FBLL1: variants seen among roughly 807,000 people sequenced by gnomAD.
FBLL1 encodes RNA 2'-O-methyltransferase FBLL1.
A neutral mutation model predicts 5.7 loss-of-function variants in FBLL1; 6 were observed. That is an observed-to-expected ratio of 1.05 (90% CI 0.57 to 2.07). The LOEUF is 2.07. Among genes scored for constraint, FBLL1 ranks in the 30% most tolerant of loss-of-function variants. The pLI is 0.00. For synonymous variants in FBLL1, 133 were observed against 75.1 expected, an observed-to-expected ratio of 1.77 and a Z score of -3.99; for missense variants, 258 against 165.2, an observed-to-expected ratio of 1.56 and a Z score of -3.08.
At position 168,529,620 on chromosome 5, in the gene FBLL1, G is replaced by A. The variant is rs906022086; in HGVS notation, c.116G>A (p.Gly39Asp). The A allele has an allele frequency of 2.5e-4, 36 of 146,156 alleles. No individual in the cohort carries two copies. Among genetic ancestry groups the A allele is most frequent in the Non-Finnish European group, 3.8e-4 (25 of 65,554 alleles). The allele number at this position is 146,156 out of a possible 1,614,324, so 9.1% of individuals were successfully genotyped here. The change falls in exon 1 of 1, where the codon GGC (glycine) becomes GAC (aspartate). Residue 39 changes from glycine to aspartate, a missense_variant. Physicochemically the swap from Gly to Asp is moderately conservative, Grantham distance 94. Transcript: ENST00000338333. This position sits in a 1 kb window ranked among gnomAD's most constrained non-coding sequence, Gnocchi z 7.2. ...GGGGAGKGGGGDGGGQGGKGG... is the reference protein window; with the variant it reads ...GGGGAGKGGGDDGGGQGGKGG... ...GGCGGCGCGGGCAAGGGCGGCGGGG[G>A]CGACGGCGGCGGCCAGGGGGGCAAG...
chr5:168,529,855 G>C lies in FBLL1; in HGVS notation c.351G>C (p.Ala117=). Residue 117 remains alanine, a synonymous_variant, in exon 1 of 1, where the codon GCG becomes GCC. Coordinates refer to ENST00000338333, the MANE Select transcript of FBLL1 (RefSeq NM_001355274.2). The surrounding 1 kb of genome is among the most constrained non-coding windows in gnomAD (Gnocchi z 7.2). ...TCATCTACCGCGGGGCGGAGGACGCGCTGGTCACGCTGAACATGGTGCCGG... is the reference window on the plus strand; with the variant it reads ...TCATCTACCGCGGGGCGGAGGACGCCCTGGTCACGCTGAACATGGTGCCGG... ...GVFIYRGAED[A]LVTLNMVPGQ... 1.4e-6 allele frequency: 1 copy of C among 707,240 alleles called. No individual in the cohort carries two copies. The highest frequency in any genetic ancestry group is 2.6e-6 in the Non-Finnish European group (1 of 388,096). 43.8% of individuals were successfully genotyped at this position (707,240 alleles called of 1,614,324 possible). A position where few individuals can be genotyped will look rare whatever the true frequency, so the allele number is the denominator to read the frequency against.
rs1758946410 is a variant in FBLL1 at position 168,529,826 on chromosome 5, GTCT to G, written c.325_327del (p.Phe109del). On this transcript the variant is annotated inframe_deletion, in exon 1 of 1. Coordinates refer to ENST00000338333, the MANE Select transcript of FBLL1 (RefSeq NM_001355274.2). The surrounding 1 kb of genome is among the most constrained non-coding windows in gnomAD (Gnocchi z 7.2). Reference sequence around the variant, plus strand: ...GGTGGAGCCGCACCGGCACGAGGGCGTCTTCATCTACCGCGGGGCGGAGGACGC... The same window carrying G: ...GGTGGAGCCGCACCGGCACGAGGGCGTCATCTACCGCGGGGCGGAGGACGC... 1 of 702,474 alleles carries G rather than the reference GTCT, an allele frequency of 1.4e-6. No homozygotes were observed. Among genetic ancestry groups the G allele is most frequent in the African/African-American group, 1.7e-5 (1 of 57,296 alleles). The allele number at this position is 702,474 out of a possible 1,614,324, so 43.5% of individuals were successfully genotyped here. A position where few individuals can be genotyped will look rare whatever the true frequency, so the allele number is the denominator to read the frequency against.
In FBLL1 at chr5:168,530,048, T is replaced by G. The variant is rs750058726; in HGVS notation, c.544T>G (p.Ser182Ala). 5.2e-5 allele frequency: 39 copies of G among 756,872 alleles called. No homozygotes were observed. Among genetic ancestry groups the G allele is most frequent in the African/African-American group, 1.2e-4 (7 of 58,856 alleles). The allele number at this position is 756,872 out of a possible 1,614,324, so 46.9% of individuals were successfully genotyped here. A position where few individuals can be genotyped will look rare whatever the true frequency, so the allele number is the denominator to read the frequency against. ...CAAGGTGCTGTACCTGGGCGCCGCG[T>G]CGGGCACCACCGTCTCCCATGTCTC... ...KSKVLYLGAA[S>A]GTTVSHVSDI... Residue 182 changes from serine to alanine, a missense_variant, in exon 1 of 1, where the codon TCG becomes GCG. Coordinates refer to ENST00000338333, the MANE Select transcript of FBLL1 (RefSeq NM_001355274.2). The surrounding 1 kb of genome is among the most constrained non-coding windows in gnomAD (Gnocchi z 4.9).
In FBLL1 at chr5:168,530,362, C is replaced by T. The variant is rs570253763; in HGVS notation, c.858C>T (p.Ser286=). 1.3e-6 allele frequency: 1 copy of T among 765,450 alleles called. No homozygotes were observed. Among genetic ancestry groups the T allele is most frequent in the Non-Finnish European group, 2.4e-6 (1 of 417,908 alleles). 47.4% of individuals were successfully genotyped at this position (765,450 alleles called of 1,614,324 possible). The part of the protein sequence containing the change: ...IKANCIDSTA[S]AEAVFASEVR... ...CCAACTGCATCGACTCCACCGCATC[C>T]GCCGAGGCTGTGTTTGCTTCTGAGG... The change falls in exon 1 of 1, where the codon TCC becomes TCT. Residue 286 remains serine, a synonymous_variant. Coordinates refer to ENST00000338333, the MANE Select transcript of FBLL1 (RefSeq NM_001355274.2). This position sits in a 1 kb window ranked among gnomAD's most constrained non-coding sequence, Gnocchi z 4.9.
rs1243244773 is a variant in FBLL1 at position 168,530,128 on chromosome 5, C to T, written c.624C>T (p.Ala208=). The T allele has an allele frequency of 3.9e-6, 3 of 763,462 alleles. No individual in the cohort carries two copies. Among genetic ancestry groups the T allele is most frequent in the Non-Finnish European group, 4.8e-6 (2 of 417,172 alleles). The allele number at this position is 763,462 out of a possible 1,614,324, so 47.3% of individuals were successfully genotyped here. The part of the protein sequence containing the change: ...LVYAVEFSHR[A]GRDLVNVAKK... Reference sequence around the variant, plus strand: ...ACGCCGTCGAGTTCTCCCACCGCGCCGGCCGCGATCTGGTCAACGTGGCCA... The same window carrying T: ...ACGCCGTCGAGTTCTCCCACCGCGCTGGCCGCGATCTGGTCAACGTGGCCA... Residue 208 remains alanine (A), a synonymous_variant, in exon 1 of 1, where the codon GCC becomes GCT. Coordinates refer to ENST00000338333, the MANE Select transcript of FBLL1 (RefSeq NM_001355274.2). This position sits in a 1 kb window ranked among gnomAD's most constrained non-coding sequence, Gnocchi z 4.9.
At position 168,530,630 on chromosome 5, in the gene FBLL1, C is replaced by T. The variant is rs566927163; in HGVS notation, c.*121C>T. The stretch of plus-strand genomic sequence containing the variant: ...TTTTCTATTAAACTGCATAAAGAAA[C>T]GGCACCTATCTGTATGGTGATGCCA... On this transcript the variant is annotated 3_prime_UTR_variant, in exon 1 of 1. Transcript: ENST00000338333. The surrounding 1 kb of genome is among the most constrained non-coding windows in gnomAD (Gnocchi z 4.9). The T allele has an allele frequency of 8.2e-6, 5 of 607,072 alleles. No individual in the cohort carries two copies. The highest frequency in any genetic ancestry group is 3.7e-5 in the African/African-American group (2 of 54,122). The allele number at this position is 607,072 out of a possible 1,614,324, so 37.6% of individuals were successfully genotyped here.
chr5:168,530,109 T>C lies in FBLL1; in HGVS notation c.605T>C (p.Val202Ala), dbSNP rs762584946. 1.4e-5 allele frequency: 11 copies of C among 761,564 alleles called. No individual in the cohort carries two copies. Among genetic ancestry groups the C allele is most frequent in the Non-Finnish European group, 2.6e-5 (11 of 416,420 alleles). The allele number at this position is 761,564 out of a possible 1,614,324, so 47.2% of individuals were successfully genotyped here. ...IIGPDGLVYAVEFSHRAGRDL... is the reference protein window; with the variant it reads ...IIGPDGLVYAAEFSHRAGRDL... ...GGCCCAGACGGCCTGGTCTACGCCG[T>C]CGAGTTCTCCCACCGCGCCGGCCGC... Residue 202 changes from valine (V) to alanine (A), a missense_variant, in exon 1 of 1, where the codon GTC becomes GCC. By Grantham distance (64) the Val-to-Ala change is moderately conservative. Transcript: ENST00000338333. This position sits in a 1 kb window ranked among gnomAD's most constrained non-coding sequence, Gnocchi z 4.9.
rs1758956057 is a variant in FBLL1, at chr5:168,530,289, C to T, written c.785C>T (p.Ala262Val). ...CAGTCCCGCATCGTGGCCCTGAACG[C>T]CCACACCTTCCTGCGCAATGGGGGC... ...PDQSRIVALNAHTFLRNGGHF... is the reference protein window; with the variant it reads ...PDQSRIVALNVHTFLRNGGHF... Residue 262 changes from alanine to valine, a missense_variant, in exon 1 of 1, where the codon GCC becomes GTC. Ala to Val is a moderately conservative substitution (Grantham distance 64). Transcript: ENST00000338333. The surrounding 1 kb of genome is among the most constrained non-coding windows in gnomAD (Gnocchi z 4.9). 1 of 765,840 alleles carries T rather than the reference C, an allele frequency of 1.3e-6. No homozygotes were observed. Among genetic ancestry groups the T allele is most frequent in the African/African-American group, 1.7e-5 (1 of 59,152 alleles). The allele number at this position is 765,840 out of a possible 1,614,324, so 47.4% of individuals were successfully genotyped here.
Position 168,530,196 on chromosome 5 carries a change from A to G in FBLL1, c.692A>G (p.His231Arg). The G allele has an allele frequency of 1.3e-6, 1 of 765,510 alleles. No individual in the cohort carries two copies. Among genetic ancestry groups the G allele is most frequent in the East Asian group, 2.4e-5 (1 of 41,224 alleles). The allele number at this position is 765,510 out of a possible 1,614,324, so 47.4% of individuals were successfully genotyped here. A position where few individuals can be genotyped will look rare whatever the true frequency, so the allele number is the denominator to read the frequency against. The change falls in exon 1 of 1, where the codon CAC becomes CGC. Residue 231 changes from histidine (H) to arginine (R), a missense_variant. By Grantham distance (29) the His-to-Arg change is conservative. Transcript: ENST00000338333. The surrounding 1 kb of genome is among the most constrained non-coding windows in gnomAD (Gnocchi z 4.9). ...ATTCCGGTCCTGGAGGACGCGCGGC[A>G]CCCGCTCAAGTACCGCATGCTCATC... ...NIIPVLEDAR[H>R]PLKYRMLIGM...
rs1236271115 is a variant in FBLL1 at position 168,530,544 on chromosome 5, G to C, written c.*35G>C. The stretch of plus-strand genomic sequence containing the variant: ...CAGGCTCGCCTGCCATCTCCCCAAG[G>C]CTGCGTTGTGTTTGCTATTATTTTC... On this transcript the variant is annotated 3_prime_UTR_variant, in exon 1 of 1. Transcript: ENST00000338333. This position sits in a 1 kb window ranked among gnomAD's most constrained non-coding sequence, Gnocchi z 4.9. The C allele has an allele frequency of 1.4e-6, 1 of 716,076 alleles. No homozygotes were observed. Among genetic ancestry groups the C allele is most frequent in the South Asian group, 1.5e-5 (1 of 66,424 alleles). The allele number at this position is 716,076 out of a possible 1,614,324, so 44.4% of individuals were successfully genotyped here. A position where few individuals can be genotyped will look rare whatever the true frequency, so the allele number is the denominator to read the frequency against.
rs867181272 is a variant in FBLL1 at position 168,529,895 on chromosome 5, G to A, written c.391G>A (p.Gly131Ser). 2 of 721,630 alleles carry A rather than the reference G, an allele frequency of 2.8e-6. No homozygotes were observed. The highest frequency in any genetic ancestry group is 2.6e-5 in the East Asian group (1 of 38,962). The allele number at this position is 721,630 out of a possible 1,614,324, so 44.7% of individuals were successfully genotyped here. ...CATGGTGCCGGGCCAGTCTGTGTACGGCGAGAGGCGCGTCACGGTGACCGA... is the reference window on the plus strand; with the variant it reads ...CATGGTGCCGGGCCAGTCTGTGTACAGCGAGAGGCGCGTCACGGTGACCGA... The part of the protein sequence containing the change: ...LNMVPGQSVY[G>S]ERRVTVTEGG... The change falls in exon 1 of 1, where the codon GGC (glycine) becomes AGC (serine). Residue 131 changes from glycine to serine, a missense_variant. Coordinates refer to ENST00000338333, the MANE Select transcript of FBLL1 (RefSeq NM_001355274.2). This position sits in a 1 kb window ranked among gnomAD's most constrained non-coding sequence, Gnocchi z 7.2.
chr5:168,530,526 GCCT>G lies in FBLL1; in HGVS notation c.*18_*20del, dbSNP rs1758961777. The G allele has an allele frequency of 1.3e-6, 1 of 750,614 alleles. No individual in the cohort carries two copies. The highest frequency in any genetic ancestry group is 2.4e-6 in the Non-Finnish European group (1 of 410,530). 46.5% of individuals were successfully genotyped at this position (750,614 alleles called of 1,614,324 possible). On this transcript the variant is annotated 3_prime_UTR_variant, in exon 1 of 1. Transcript: ENST00000338333. This position sits in a 1 kb window ranked among gnomAD's most constrained non-coding sequence, Gnocchi z 4.9. ...AGCAAATAGCACCCAGCTCAGGCTC[GCCT>G]GCCATCTCCCCAAGGCTGCGTTGTG...
chr5:168,530,191 G>A lies in FBLL1; in HGVS notation c.687G>A (p.Ala229=), dbSNP rs1758953609. The change falls in exon 1 of 1, where the codon GCG becomes GCA. Residue 229 remains alanine (A), a synonymous_variant. Transcript: ENST00000338333. This position sits in a 1 kb window ranked among gnomAD's most constrained non-coding sequence, Gnocchi z 4.9. ...ACATCATTCCGGTCCTGGAGGACGC[G>A]CGGCACCCGCTCAAGTACCGCATGC... ...RTNIIPVLED[A]RHPLKYRMLI... The A allele has an allele frequency of 1.3e-6, 1 of 765,346 alleles. No homozygotes were observed. The highest frequency in any genetic ancestry group is 2.4e-6 in the Non-Finnish European group (1 of 417,932). 47.4% of individuals were successfully genotyped at this position (765,346 alleles called of 1,614,324 possible).
At position 168,529,944 on chromosome 5, in the gene FBLL1, G is replaced by A. The variant is rs1364207931; in HGVS notation, c.440G>A (p.Arg147His). The A allele has an allele frequency of 9.5e-6, 7 of 739,190 alleles. No individual in the cohort carries two copies. Among genetic ancestry groups the A allele is most frequent in the Non-Finnish European group, 1.5e-5 (6 of 405,962 alleles). The allele number at this position is 739,190 out of a possible 1,614,324, so 45.8% of individuals were successfully genotyped here. A position where few individuals can be genotyped will look rare whatever the true frequency, so the allele number is the denominator to read the frequency against. ...VTEGGVKQEY[R>H]TWNPFRSKLA... Reference sequence around the variant, plus strand: ...GAGGGCGGCGTGAAGCAGGAGTACCGCACGTGGAACCCGTTCCGCTCTAAG... The same window carrying A: ...GAGGGCGGCGTGAAGCAGGAGTACCACACGTGGAACCCGTTCCGCTCTAAG... The change falls in exon 1 of 1, where the codon CGC becomes CAC. Residue 147 changes from arginine to histidine, a missense_variant. Physicochemically the swap from Arg to His is conservative, Grantham distance 29. Transcript: ENST00000338333. This position sits in a 1 kb window ranked among gnomAD's most constrained non-coding sequence, Gnocchi z 7.2.
Position 168,530,309 on chromosome 5 carries a change from G to A in FBLL1, c.805G>A (p.Gly269Arg), listed in dbSNP as rs1319072339. The change falls in exon 1 of 1, where the codon GGG (glycine) becomes AGG (arginine). Residue 269 changes from glycine (G) to arginine (R), a missense_variant. Gly to Arg is a moderately radical substitution (Grantham distance 125, BLOSUM62 -2). Coordinates refer to ENST00000338333, the MANE Select transcript of FBLL1 (RefSeq NM_001355274.2). This position sits in a 1 kb window ranked among gnomAD's most constrained non-coding sequence, Gnocchi z 4.9. Reference sequence around the variant, plus strand: ...GAACGCCCACACCTTCCTGCGCAATGGGGGCCACTTTCTCATCTCCATCAA... The same window carrying A: ...GAACGCCCACACCTTCCTGCGCAATAGGGGCCACTTTCTCATCTCCATCAA... ...ALNAHTFLRNGGHFLISIKAN... is the reference protein window; with the variant it reads ...ALNAHTFLRNRGHFLISIKAN... The A allele has an allele frequency of 6.5e-6, 5 of 765,756 alleles. No individual in the cohort carries two copies. The highest frequency in any genetic ancestry group is 1.2e-5 in the Non-Finnish European group (5 of 418,008). 47.4% of individuals were successfully genotyped at this position (765,756 alleles called of 1,614,324 possible).
Position 168,530,075 on chromosome 5 carries a change from G to T in FBLL1, c.571G>T (p.Asp191Tyr). ...GGGCACCACCGTCTCCCATGTCTCC[G>T]ACATCATTGGCCCAGACGGCCTGGT... Reference protein sequence around the residue: ...ASGTTVSHVSDIIGPDGLVYA... With the variant: ...ASGTTVSHVSYIIGPDGLVYA... Residue 191 changes from aspartate to tyrosine, a missense_variant, in exon 1 of 1, where the codon GAC (aspartate) becomes TAC (tyrosine). Transcript: ENST00000338333. The surrounding 1 kb of genome is among the most constrained non-coding windows in gnomAD (Gnocchi z 4.9). The T allele has an allele frequency of 2.6e-6, 2 of 758,642 alleles. No homozygotes were observed. The highest frequency in any genetic ancestry group is 2.5e-5 in the East Asian group (1 of 40,764). 47.0% of individuals were successfully genotyped at this position (758,642 alleles called of 1,614,324 possible).
Position 168,530,259 on chromosome 5 carries a change from C to T in FBLL1, c.755C>T (p.Pro252Leu), listed in dbSNP as rs1561833152. 2.6e-6 allele frequency: 2 copies of T among 765,966 alleles called. No homozygotes were observed. The highest frequency in any genetic ancestry group is 4.8e-6 in the Non-Finnish European group (2 of 418,018). The allele number at this position is 765,966 out of a possible 1,614,324, so 47.4% of individuals were successfully genotyped here. A position where few individuals can be genotyped will look rare whatever the true frequency, so the allele number is the denominator to read the frequency against. ...VDVIFADVAQ[P>L]DQSRIVALNA... ...GTGATCTTCGCCGACGTGGCCCAGC[C>T]GGACCAGTCCCGCATCGTGGCCCTG... Residue 252 changes from proline to leucine, a missense_variant, in exon 1 of 1, where the codon CCG (proline) becomes CTG (leucine). By Grantham distance (98) the Pro-to-Leu change is moderately conservative (BLOSUM62 -3). Coordinates refer to ENST00000338333, the MANE Select transcript of FBLL1 (RefSeq NM_001355274.2). The surrounding 1 kb of genome is among the most constrained non-coding windows in gnomAD (Gnocchi z 4.9).
Position 168,530,199 on chromosome 5 carries a change from C to A in FBLL1, c.695C>A (p.Pro232Gln). Residue 232 changes from proline to glutamine, a missense_variant, in exon 1 of 1, where the codon CCG becomes CAG. Transcript: ENST00000338333. This position sits in a 1 kb window ranked among gnomAD's most constrained non-coding sequence, Gnocchi z 4.9. ...IIPVLEDARH[P>Q]LKYRMLIGMV... Reference sequence around the variant, plus strand: ...CCGGTCCTGGAGGACGCGCGGCACCCGCTCAAGTACCGCATGCTCATCGGG... The same window carrying A: ...CCGGTCCTGGAGGACGCGCGGCACCAGCTCAAGTACCGCATGCTCATCGGG... The A allele has an allele frequency of 2.6e-6, 2 of 765,588 alleles. No homozygotes were observed. Among genetic ancestry groups the A allele is most frequent in the Non-Finnish European group, 4.8e-6 (2 of 417,946 alleles). 47.4% of individuals were successfully genotyped at this position (765,588 alleles called of 1,614,324 possible).
Position 168,529,839 on chromosome 5 carries a change from G to T in FBLL1, c.335G>T (p.Arg112Leu), listed in dbSNP as rs1416436010. Reference protein sequence around the residue: ...PHRHEGVFIYRGAEDALVTLN... With the variant: ...PHRHEGVFIYLGAEDALVTLN... ...CGGCACGAGGGCGTCTTCATCTACCGCGGGGCGGAGGACGCGCTGGTCACG... is the reference window on the plus strand; with the variant it reads ...CGGCACGAGGGCGTCTTCATCTACCTCGGGGCGGAGGACGCGCTGGTCACG... The change falls in exon 1 of 1, where the codon CGC (arginine) becomes CTC (leucine). Residue 112 changes from arginine (R) to leucine (L), a missense_variant. Physicochemically the swap from Arg to Leu is moderately radical, Grantham distance 102. Transcript: ENST00000338333. This position sits in a 1 kb window ranked among gnomAD's most constrained non-coding sequence, Gnocchi z 7.2. 8.5e-6 allele frequency: 6 copies of T among 704,352 alleles called. No homozygotes were observed. The highest frequency in any genetic ancestry group is 1.6e-5 in the Non-Finnish European group (6 of 386,338). The allele number at this position is 704,352 out of a possible 1,614,324, so 43.6% of individuals were successfully genotyped here. A position where few individuals can be genotyped will look rare whatever the true frequency, so the allele number is the denominator to read the frequency against.
Sources: gnomAD v4.1 joint callset for allele counts on GRCh38, gnomAD v4.1.1 for gene constraint, Gnocchi (gnomAD v3.1) non-coding constraint, MANE v1.5 for transcripts, NCBI Gene and HGNC (gene_info 2026-07-23, HGNC 2026-07-21) for gene names.